OPCML: variants seen among roughly 807,000 people sequenced by gnomAD.
The protein encoded by OPCML is opioid binding protein/cell adhesion molecule like.
In OPCML, 13 loss-of-function variants were observed where a neutral mutation model predicts 37.8. That is an observed-to-expected ratio of 0.34 (90% CI 0.22 to 0.55). OPCML has a LOEUF of 0.55. OPCML is among the 20% of genes least tolerant of loss of function. OPCML has a pLI of 0.91. For missense variants in OPCML, 341 were observed against 435.6 expected, an observed-to-expected ratio of 0.78 and a Z score of 1.93; for synonymous variants, 176 against 168.8, an observed-to-expected ratio of 1.04 and a Z score of -0.33.
chr11:133,229,568 C>T (rs994733596), intron 1 of OPCML, among the ~76,000 whole-genome samples: 2 of 151,114 alleles, frequency 1.3e-5, no homozygotes, highest in Non-Finnish European at 3.0e-5. Flanking sequence ...CATGCATTTT[C>T]CCTCACCGTT....
intron 1 of OPCML, among the ~76,000 whole-genome samples, chr11:133,502,324 A>G (rs73587638): frequency 0.012 from 1,795 of 152,320 alleles, 28 homozygotes; most frequent in African/African-American, 0.04. Flanking sequence ...AGGGACAGAC[A>G]GAGGCAGGGT....
At chr11:132,436,352 G>A in intron 6 of OPCML, 115 bp from the exon 7 acceptor site, 1 of 1,581,570 alleles carries the variant, frequency 6.3e-7, no homozygotes, top group South Asian at 1.2e-5. Flanking sequence ...GCACTTCAGT[G>A]TCCAACAGGA....
At chr11:132,762,212 T>C (rs937617485) in intron 2 of OPCML, among the ~76,000 whole-genome samples, 3 of 152,190 alleles carry the variant, frequency 2.0e-5, no homozygotes, top group African/African-American at 7.2e-5. Flanking sequence ...CCTGCCAAGA[T>C]GCCAGCTGGA....
At chr11:132,422,879 A>G (rs2095964727) in intron 7 of OPCML, among the ~76,000 whole-genome samples, 1 of 152,170 alleles carries the variant, frequency 6.6e-6, no homozygotes, top group Non-Finnish European at 1.5e-5. Context: ...GAGAGAAACA[A>G]TGGACTGGGA....
At chr11:133,336,878 G>A (rs1174941938) in intron 1 of OPCML, among the ~76,000 whole-genome samples, 1 of 152,182 alleles carries the variant, frequency 6.6e-6, no homozygotes, top group Non-Finnish European at 1.5e-5. Context: ...GAAGCTCAAG[G>A]GCAGGCTTCA....
At chr11:133,095,222 A>G (rs1212807382) in intron 1 of OPCML, among the ~76,000 whole-genome samples, 2 of 151,334 alleles carry the variant, frequency 1.3e-5, no homozygotes, top group African/African-American at 4.9e-5. Flanking sequence ...ACATCTTCCA[A>G]TAAAATAGCC....
intron 1 of OPCML, among the ~76,000 whole-genome samples, chr11:132,969,701 CTCTCA>C (rs1461155511): frequency 6.6e-6 from 1 of 152,110 alleles, no homozygotes; most frequent in Non-Finnish European, 1.5e-5. Flanking sequence ...TACTGAGCCC[CTCTCA>C]TAATTTTTTT....
chr11:132,448,415 G>C (rs1029071174), intron 4 of OPCML, among the ~76,000 whole-genome samples: 1 of 152,160 alleles, frequency 6.6e-6, no homozygotes, highest in Non-Finnish European at 1.5e-5. Flanking sequence ...TGCACACTTC[G>C]CAGAGCATAA....
At chr11:133,443,978 G>T (rs1946418740) in intron 1 of OPCML, among the ~76,000 whole-genome samples, 1 of 152,012 alleles carries the variant, frequency 6.6e-6, no homozygotes, top group East Asian at 1.9e-4. Flanking sequence ...GGGAGCCTTG[G>T]GTGTCTTATT....
chr11:133,187,834 T>C (rs1469585676), intron 1 of OPCML, among the ~76,000 whole-genome samples: 1 of 152,228 alleles, frequency 6.6e-6, no homozygotes, highest in Admixed American at 6.5e-5. Context: ...AGTGTACAGA[T>C]GGAACTGTCA....
At chr11:133,123,418 T>C (rs1198255299) in intron 1 of OPCML, among the ~76,000 whole-genome samples, 1 of 152,208 alleles carries the variant, frequency 6.6e-6, no homozygotes, top group Admixed American at 6.5e-5. Context: ...GGGTAGTCTT[T>C]TTATTGTTTG....
intron 2 of OPCML, among the ~76,000 whole-genome samples, chr11:132,814,164 A>G (rs538586679): frequency 6.6e-6 from 1 of 152,326 alleles, no homozygotes; most frequent in Non-Finnish European, 1.5e-5. Flanking sequence ...GAATTCTACT[A>G]CGTAGCAAGT....
intron 1 of OPCML, among the ~76,000 whole-genome samples, chr11:132,962,794 G>T (rs1946121603): frequency 6.6e-6 from 1 of 152,130 alleles, no homozygotes; most frequent in Non-Finnish European, 1.5e-5. Flanking sequence ...ACCGCATTTG[G>T]GTTTTCAGTC....
At chr11:133,050,568 G>A (rs1019142744) in intron 1 of OPCML, among the ~76,000 whole-genome samples, 5 of 152,130 alleles carry the variant, frequency 3.3e-5, no homozygotes, top group African/African-American at 9.7e-5. Flanking sequence ...GGAGCCCAGG[G>A]AGGACTTGCT....
intron 2 of OPCML, among the ~76,000 whole-genome samples, chr11:132,855,769 G>A (rs1942030018): frequency 6.6e-6 from 1 of 152,154 alleles, no homozygotes. Flanking sequence ...CTCAGAAATT[G>A]TGAAATAAAT....
chr11:132,914,059 C>T (rs1462990062), intron 2 of OPCML, among the ~76,000 whole-genome samples: 1 of 152,184 alleles, frequency 6.6e-6, no homozygotes, highest in Non-Finnish European at 1.5e-5. Context: ...CCATATAATC[C>T]ATCTCACTGC....
intron 1 of OPCML, among the ~76,000 whole-genome samples, chr11:133,163,082 A>G (rs1441807239): frequency 1.3e-5 from 2 of 152,242 alleles, no homozygotes; most frequent in Non-Finnish European, 1.5e-5. Flanking sequence ...TCCCACTGTG[A>G]GATGACATTG....
At chr11:132,751,522 A>T (rs1211112057) in intron 2 of OPCML, among the ~76,000 whole-genome samples, 1 of 152,248 alleles carries the variant, frequency 6.6e-6, no homozygotes, top group African/African-American at 2.4e-5. Context: ...ATATGGTAAG[A>T]GTCTCCATTT....
At chr11:132,840,215 T>A (rs1025374858) in intron 2 of OPCML, among the ~76,000 whole-genome samples, 1 of 152,126 alleles carries the variant, frequency 6.6e-6, no homozygotes, top group African/African-American at 2.4e-5. Flanking sequence ...ATGTGTAGGG[T>A]TGGCCTCCCC....
Sources: gnomAD v4.1 joint callset for allele counts (sites outside exome capture counted in the v4.1 genomes callset) on GRCh38, gnomAD v4.1.1 for gene constraint, MANE v1.5 for transcripts, NCBI Gene and HGNC (gene_info 2026-07-23, HGNC 2026-07-21) for gene names.